Variants in PGAP1 observed in about 807,000 individuals in gnomAD.
PGAP1 encodes GPI inositol-deacylase.
Under a neutral mutation model 127.0 loss-of-function variants are expected in PGAP1, and 76 were observed. The ratio of observed to expected loss-of-function variants is 0.60; its 90% CI spans 0.50 to 0.72. PGAP1 has a LOEUF of 0.72. Ranked by LOEUF, PGAP1 falls within the 30% of genes least tolerant of loss-of-function variation. PGAP1 has a pLI of 0.00. For synonymous variants in PGAP1, 362 were observed against 366.5 expected (o/e 0.99, Z 0.14); for missense variants, 982 against 1,071.3 (o/e 0.92, Z 1.16).
chr2:196,875,405 A>C (rs1253152320), intron 14 of PGAP1, among the ~76,000 whole-genome samples: 1 of 152,208 alleles, frequency 6.6e-6, no homozygotes, highest in Non-Finnish European at 1.5e-5. Context: ...AGTTTAAAAG[A>C]ATATTTAGAG....
chr2:196,877,256 T>C (rs1042469578), intron 13 of PGAP1, among the ~76,000 whole-genome samples: 23 of 152,124 alleles, frequency 1.5e-4, no homozygotes, highest in African/African-American at 5.6e-4. Context: ...AATTCCATAT[T>C]TGCATTTCTA....
rs1029708131 is a variant in PGAP1, at chr2:196,836,777, A to G, written c.*4457T>C. 6 of 152,212 alleles carry G rather than the reference A, an allele frequency of 3.9e-5. No homozygotes were observed. The highest frequency in any genetic ancestry group is 6.5e-5 in the Admixed American group (1 of 15,286). The allele number at this position is 152,212 out of a possible 1,614,324, so 9.4% of individuals were successfully genotyped here. On this transcript the variant is annotated 3_prime_UTR_variant, in exon 27 of 27. Transcript: ENST00000354764. ...TTCTACATTTACCTTACTAGGAAAG[A>G]AAGTTTTCTGGCAGGGTGTAATTTT... is the stretch of plus-strand genomic sequence containing the variant.
rs1700187196 is a variant in PGAP1, at chr2:196,834,610, C to T, written c.*6624G>A. The T allele has an allele frequency of 6.6e-6, 1 of 152,288 alleles. No individual in the cohort carries two copies. The highest frequency in any genetic ancestry group is 6.6e-5 in the Admixed American group (1 of 15,256). The allele number at this position is 152,288 out of a possible 1,614,324, so 9.4% of individuals were successfully genotyped here. A position where few individuals can be genotyped will look rare whatever the true frequency, so the allele number is the denominator to read the frequency against. On this transcript the variant is annotated 3_prime_UTR_variant, in exon 27 of 27. Transcript: ENST00000354764. ...ATACAATCACTTCAAAATAATATGT[C>T]ATTTTTATATTTTTAAAAATGTAAA... is the stretch of plus-strand genomic sequence containing the variant.
intron 20 of PGAP1, among the ~76,000 whole-genome samples, chr2:196,849,981 C>G (rs995293396): frequency 6.6e-6 from 1 of 152,180 alleles, no homozygotes; most frequent in South Asian, 2.1e-4. Flanking sequence ...CTTTTATAGA[C>G]TGGCTTCTAG....
At chr2:196,860,207 T>G (rs1701020454) in intron 20 of PGAP1, among the ~76,000 whole-genome samples, 1 of 152,012 alleles carries the variant, frequency 6.6e-6, no homozygotes, top group Admixed American at 6.6e-5. Context: ...ATCAGTAACT[T>G]TCTATACACT....
intron 20 of PGAP1, among the ~76,000 whole-genome samples, chr2:196,850,925 A>G (rs974385458): frequency 6.6e-6 from 1 of 152,204 alleles, no homozygotes; most frequent in African/African-American, 2.4e-5. Flanking sequence ...ATCTGATCAC[A>G]CCTATAGCTC....
chr2:196,883,396 G>A (rs1701793458), intron 12 of PGAP1, among the ~76,000 whole-genome samples: 1 of 152,114 alleles, frequency 6.6e-6, no homozygotes, highest in African/African-American at 2.4e-5. Context: ...AAACTCCTGG[G>A]CTTCACCCCG....
At chr2:196,886,151 TTATC>T (rs1424818449) in intron 10 of PGAP1, among the ~76,000 whole-genome samples, 1 of 150,450 alleles carries the variant, frequency 6.6e-6, no homozygotes, top group East Asian at 1.9e-4. Context: ...CCCTGACTGG[TTATC>T]TCTTTTTTTT....
intron 2 of PGAP1, among the ~76,000 whole-genome samples, chr2:196,918,809 T>C (rs942315602): frequency 6.6e-6 from 1 of 152,198 alleles, no homozygotes; most frequent in African/African-American, 2.4e-5. Context: ...GGGTGTTCAC[T>C]TTATAATAAT....
At chr2:196,914,736 A>G (rs1702944487) in intron 3 of PGAP1, among the ~76,000 whole-genome samples, 1 of 151,994 alleles carries the variant, frequency 6.6e-6, no homozygotes, top group African/African-American at 2.4e-5. Flanking sequence ...ATCCATTTCA[A>G]TCAGACTTTC....
In PGAP1 at chr2:196,834,120, C is replaced by CA. The variant is rs933027426; in HGVS notation, c.*7113dup. 6.6e-6 allele frequency: 1 copy of CA among 151,828 alleles called. No homozygotes were observed. The highest frequency in any genetic ancestry group is 1.5e-5 in the Non-Finnish European group (1 of 67,858). 9.4% of individuals were successfully genotyped at this position (151,828 alleles called of 1,614,324 possible). A position where few individuals can be genotyped will look rare whatever the true frequency, so the allele number is the denominator to read the frequency against. ...TTTGACAGATTACTCATTAATAAGACAAAAAATTACATTTGAAGATTAGTT... is the reference window on the plus strand; with the variant it reads ...TTTGACAGATTACTCATTAATAAGACAAAAAAATTACATTTGAAGATTAGTT... On this transcript the variant is annotated 3_prime_UTR_variant, in exon 27 of 27. Coordinates refer to ENST00000354764, the MANE Select transcript of PGAP1 (RefSeq NM_024989.4).
rs1700953633 is a variant in PGAP1 at position 196,858,294 on chromosome 2, C to G, written c.1861+6693G>C. ...GTGGGTACCTGTAGTCCCAGTTACT[C>G]AGGAGACTGAGGCAGGAGAATGGCG... is the stretch of plus-strand genomic sequence containing the variant. On this transcript the variant is annotated intron_variant, in intron 20 of 26. Coordinates refer to ENST00000354764, the MANE Select transcript of PGAP1 (RefSeq NM_024989.4). Among the ~76,000 whole-genome samples the G allele has an allele frequency of 4.0e-5, 6 of 151,834 alleles. No homozygotes were observed. The South Asian group carries it at 1.2e-3, about 32-fold the overall frequency.
chr2:196,850,971 C>T (rs1700699767), intron 20 of PGAP1, among the ~76,000 whole-genome samples: 1 of 151,892 alleles, frequency 6.6e-6, no homozygotes. Flanking sequence ...AAAACATGTT[C>T]AACTCCAGCA....
At position 196,838,344 on chromosome 2, in the gene PGAP1, G is replaced by A. The variant is rs938085241; in HGVS notation, c.*2890C>T. On this transcript the variant is annotated 3_prime_UTR_variant, in exon 27 of 27. Transcript: ENST00000354764. ...TTCATTTTTGTTAACATTGCTAATAGGGCAGTGCTGTTTAACCAGCCAATA... is the reference window on the plus strand; with the variant it reads ...TTCATTTTTGTTAACATTGCTAATAAGGCAGTGCTGTTTAACCAGCCAATA... 6.6e-6 allele frequency: 1 copy of A among 152,128 alleles called. No individual in the cohort carries two copies. The highest frequency in any genetic ancestry group is 1.5e-5 in the Non-Finnish European group (1 of 68,020). The allele number at this position is 152,128 out of a possible 1,614,324, so 9.4% of individuals were successfully genotyped here.
chr2:196,916,424 GA>G lies in PGAP1; in HGVS notation c.470del (p.Leu157ProfsTer14). 1.2e-6 allele frequency: 2 copies of G among 1,606,336 alleles called. No homozygotes were observed. Among genetic ancestry groups the G allele is most frequent in the Non-Finnish European group, 1.7e-6 (2 of 1,177,036 alleles). Reference sequence around the variant, plus strand: ...TTGCATACTTATCTCTCACCTTATAGAGTTTGAGAATTGTTTTAATACATTC... The same window carrying G: ...TTGCATACTTATCTCTCACCTTATAGGTTTGAGAATTGTTTTAATACATTC... Reference protein sequence around the residue: ...VHECIKTILKLYKGQEFAPKS... With the variant: ...VHECIKTILKXYKGQEFAPKS... On this transcript the variant is annotated frameshift_variant, in exon 3 of 27. Coordinates refer to ENST00000354764, the MANE Select transcript of PGAP1 (RefSeq NM_024989.4). LOFTEE classifies it high-confidence loss of function.
rs1700205139 is a variant in PGAP1 at position 196,835,118 on chromosome 2, A to G, written c.*6116T>C. 3 of 152,034 alleles carry G rather than the reference A, an allele frequency of 2.0e-5. No homozygotes were observed. Among genetic ancestry groups the G allele is most frequent in the Non-Finnish European group, 2.9e-5 (2 of 67,888 alleles). 9.4% of individuals were successfully genotyped at this position (152,034 alleles called of 1,614,324 possible). A position where few individuals can be genotyped will look rare whatever the true frequency, so the allele number is the denominator to read the frequency against. ...ATTGAAGCACTTAATGCTGATAAAA[A>G]ATAATTTCTAAGCCTATCACATTTT... On this transcript the variant is annotated 3_prime_UTR_variant, in exon 27 of 27. Coordinates refer to ENST00000354764, the MANE Select transcript of PGAP1 (RefSeq NM_024989.4).
chr2:196,871,449 T>A (rs1188392150), intron 18 of PGAP1, among the ~76,000 whole-genome samples: 1 of 152,152 alleles, frequency 6.6e-6, no homozygotes, highest in Non-Finnish European at 1.5e-5. Flanking sequence ...TATGGACTTC[T>A]TGAAGATATG....
At chr2:196,918,774 T>C (rs1035050623) in intron 2 of PGAP1, among the ~76,000 whole-genome samples, 1 of 152,214 alleles carries the variant, frequency 6.6e-6, no homozygotes, top group African/African-American at 2.4e-5. Flanking sequence ...GGTAATCTAC[T>C]TCTTGACTAG....
chr2:196,870,850 C>G, intron 19 of PGAP1, 91 bp downstream of exon 19: 1 of 1,092,694 alleles, frequency 9.2e-7, no homozygotes, highest in East Asian at 2.5e-5. Context: ...TATTGATTAT[C>G]CAGCCCCTTA....
Sources: gnomAD v4.1 joint callset for allele counts (sites outside exome capture counted in the v4.1 genomes callset) on GRCh38, gnomAD v4.1.1 for gene constraint, MANE v1.5 for transcripts, NCBI Gene and HGNC (gene_info 2026-07-23, HGNC 2026-07-21) for gene names.